The following RAB6A variants were observed in gnomAD, a reference collection of about 807,000 sequenced individuals.
RAB6A encodes the protein ras-related protein Rab-6A.
A neutral mutation model predicts 32.3 loss-of-function variants in RAB6A; 8 were observed. The ratio of observed to expected loss-of-function variants is 0.25; its 90% CI spans 0.15 to 0.45. The LOEUF is 0.45. Among genes scored for constraint, RAB6A ranks in the 20% least tolerant of loss-of-function variants. The pLI, the probability that RAB6A is intolerant of heterozygous loss-of-function variation, is 1.00. For synonymous variants in RAB6A, 73 were observed against 82.1 expected, an observed-to-expected ratio of 0.89 and a Z score of 0.60; for missense variants, 104 against 249.4, an observed-to-expected ratio of 0.42 and a Z score of 3.93.
At chr11:73,736,644 T>C (rs893688025) in intron 1 of RAB6A, among the ~76,000 whole-genome samples, 3 of 148,962 alleles carry the variant, frequency 2.0e-5, no homozygotes, top group African/African-American at 7.4e-5. Flanking sequence ...ATGCAAAAAT[T>C]AGCCAGGCAT....
intron 1 of RAB6A, among the ~76,000 whole-genome samples, chr11:73,739,282 A>ATATATATATATATATAT (rs1289309364): frequency 6.5e-5 from 1 of 15,330 alleles, no homozygotes; most frequent in Non-Finnish European, 1.6e-4. Context: ...AAAAAAAAAA[A>ATATATATATATATATAT]AAATATATAT....
At chr11:73,747,462 C>G (rs1169714445) in intron 1 of RAB6A, among the ~76,000 whole-genome samples, 5 of 151,768 alleles carry the variant, frequency 3.3e-5, no homozygotes, top group Admixed American at 2.0e-4. Flanking sequence ...CCCCCGGCCT[C>G]CCAAGTGCTG....
chr11:73,737,358 AC>A (rs776898351), intron 1 of RAB6A, among the ~76,000 whole-genome samples: 5 of 151,958 alleles, frequency 3.3e-5, no homozygotes, highest in Non-Finnish European at 7.4e-5. Flanking sequence ...GGTGGCATGC[AC>A]CTGTAGTCCC....
At chr11:73,700,599 A>AGT (rs1555056743) in intron 6 of RAB6A, among the ~76,000 whole-genome samples, 4 of 8,446 alleles carry the variant, frequency 4.7e-4, no homozygotes, top group African/African-American at 1.3e-3. Context: ...AAAAAAAAAA[A>AGT]GTGTGTGTGT....
intron 2 of RAB6A, chr11:73,722,332 T>C (rs1224925094): frequency 2.1e-4 from 2 of 9,658 alleles, no homozygotes; most frequent in African/African-American, 7.0e-4. Context: ...TATATATATA[T>C]ATATATATAT....
In RAB6A at chr11:73,739,263, TAAAAAAAA is replaced by T. The variant is rs58629008; in HGVS notation, c.71-8448_71-8441del. Reference sequence around the variant, plus strand: ...GCAAAAAAAAAATAGTAATAATAATTAAAAAAAAAAAAAAAAAAAAAATATATATATAT... The same window carrying T: ...GCAAAAAAAAAATAGTAATAATAATTAAAAAAAAAAAAAATATATATATAT... On this transcript the variant is annotated intron_variant, in intron 1 of 7. Coordinates refer to ENST00000336083, the MANE Select transcript of RAB6A (RefSeq NM_198896.2). Among the ~76,000 whole-genome samples the T allele has an allele frequency of 3.3e-3, 31 of 9,386 alleles. 1 individual carries two copies. The highest frequency in any genetic ancestry group is 0.013 in the East Asian group (1 of 76). 6.2% of individuals were successfully genotyped at this position (9,386 alleles called of 152,430 possible).
intron 6 of RAB6A, among the ~76,000 whole-genome samples, chr11:73,683,251 C>CTT (rs34363473): frequency 2.2e-5 from 2 of 92,568 alleles, no homozygotes; most frequent in Admixed American, 1.3e-4. Context: ...ATAGACCCAT[C>CTT]TTTTTTTTTT....
In RAB6A at chr11:73,722,326, TATATATATATA is replaced by T. The variant is rs1946149231; in HGVS notation, c.130-1438_130-1428del. 9.6e-4 allele frequency: 10 copies of T among 10,466 alleles called. 2 individuals are homozygous for T. Among genetic ancestry groups the T allele is most frequent in the Admixed American group, 3.1e-3 (2 of 652 alleles). The allele number at this position is 10,466 out of a possible 1,614,324, so 0.6% of individuals were successfully genotyped here. A position where few individuals can be genotyped will look rare whatever the true frequency, so the allele number is the denominator to read the frequency against. ...GTGTGTATATATATATATATATATA[TATATATATATA>T]TATATATTTTTTTTTTTTTTTTTTT... On this transcript the variant is annotated intron_variant, in intron 2 of 7. Coordinates refer to ENST00000336083, the MANE Select transcript of RAB6A (RefSeq NM_198896.2).
At chr11:73,721,475 A>G (rs774673898) in intron 2 of RAB6A, among the ~76,000 whole-genome samples, 2 of 152,198 alleles carry the variant, frequency 1.3e-5, no homozygotes, top group Non-Finnish European at 2.9e-5. Context: ...TGTGGTGAAA[A>G]CAAATGTAAA....
At chr11:73,710,167 C>T (rs1339222074) in intron 5 of RAB6A, among the ~76,000 whole-genome samples, 28 of 148,776 alleles carry the variant, frequency 1.9e-4, no homozygotes, top group African/African-American at 6.6e-4. Context: ...GGGGTTTCAC[C>T]GTGTTAGCCA....
At chr11:73,746,638 T>C (rs1174360769) in intron 1 of RAB6A, among the ~76,000 whole-genome samples, 1 of 152,000 alleles carries the variant, frequency 6.6e-6, no homozygotes, top group Non-Finnish European at 1.5e-5. Context: ...GGGATGGTGG[T>C]ACACACCTGT....
Position 73,707,498 on chromosome 11 carries a change from C to T in RAB6A, c.417G>A (p.Glu139=). 1.9e-6 allele frequency: 3 copies of T among 1,611,950 alleles called. No individual in the cohort carries two copies. Among genetic ancestry groups the T allele is most frequent in the Non-Finnish European group, 2.5e-6 (3 of 1,178,160 alleles). Residue 139 remains glutamate (E), a synonymous_variant, in exon 6 of 8, where the codon GAG becomes GAA. Coordinates refer to ENST00000336083, the MANE Select transcript of RAB6A (RefSeq NM_198896.2). ...GCTCTTTGGCTTTCCTCTCTCCCTC[C>T]TCAATTGACACTTGCCTGTAAAGAA... ...DLADKRQVSI[E]EGERKAKELN...
intron 1 of RAB6A, among the ~76,000 whole-genome samples, chr11:73,732,751 C>T (rs1227949513): frequency 6.6e-6 from 1 of 152,120 alleles, no homozygotes; most frequent in Non-Finnish European, 1.5e-5. Flanking sequence ...CACAGTGAGA[C>T]TCTGTCTCAA....
At position 73,679,727 on chromosome 11, in the gene RAB6A, G is replaced by C; in HGVS notation, c.496-7C>G. 1 of 1,613,550 alleles carries C rather than the reference G, an allele frequency of 6.2e-7. No individual in the cohort carries two copies. Among genetic ancestry groups the C allele is most frequent in the South Asian group, 1.1e-5 (1 of 91,068 alleles). ...CTGCTACACGTCGAAAGAGCTGTGG[G>C]AAAGAGAGAAAAGTGATAACTGAGA... On this transcript the variant is annotated splice_polypyrimidine_tract_variant and splice_region_variant and intron_variant, in intron 6 of 7. Transcript: ENST00000336083.
At position 73,722,295 on chromosome 11, in the gene RAB6A, ATG is replaced by A. The variant is rs1369309050; in HGVS notation, c.130-1398_130-1397del. On this transcript the variant is annotated intron_variant, in intron 2 of 7. Coordinates refer to ENST00000336083, the MANE Select transcript of RAB6A (RefSeq NM_198896.2). ...TTCCGTAAATAAAATTCAAATATATATGTGTGTGTGTATATATATATATATAT... is the reference window on the plus strand; with the variant it reads ...TTCCGTAAATAAAATTCAAATATATATGTGTGTGTATATATATATATATAT... 3.6e-4 allele frequency: 29 copies of A among 80,824 alleles called. 1 individual carries two copies. The highest frequency in any genetic ancestry group is 1.4e-3 in the African/African-American group (28 of 19,450). 5.0% of individuals were successfully genotyped at this position (80,824 alleles called of 1,614,324 possible).
At chr11:73,714,656 C>T (rs1010263475) in intron 5 of RAB6A, among the ~76,000 whole-genome samples, 8 of 151,030 alleles carry the variant, frequency 5.3e-5, no homozygotes, top group Non-Finnish European at 1.0e-4. Context: ...TGCGAGACTC[C>T]AACTCAAAAA....
chr11:73,704,541 T>C (rs1477787772), intron 6 of RAB6A, among the ~76,000 whole-genome samples: 2 of 147,580 alleles, frequency 1.4e-5, no homozygotes, highest in African/African-American at 2.5e-5. Flanking sequence ...AAAAATTAGC[T>C]GGGCATGGTG....
intron 6 of RAB6A, among the ~76,000 whole-genome samples, chr11:73,683,713 G>A (rs551977032): frequency 3.9e-4 from 59 of 151,848 alleles, no homozygotes; most frequent in Middle Eastern, 3.4e-3. Context: ...CCACCACACA[G>A]GGCTAATTCT....
intron 6 of RAB6A, among the ~76,000 whole-genome samples, chr11:73,686,250 C>G (rs1349461215): frequency 6.6e-6 from 1 of 152,088 alleles, no homozygotes; most frequent in African/African-American, 2.4e-5. Context: ...ATAATCTTTT[C>G]GGCTCTTAAG....
Sources: gnomAD v4.1 joint callset for allele counts (sites outside exome capture counted in the v4.1 genomes callset) on GRCh38, gnomAD v4.1.1 for gene constraint, MANE v1.5 for transcripts, NCBI Gene and HGNC (gene_info 2026-07-23, HGNC 2026-07-21) for gene names.